Variants in LANCL2 observed in about 807,000 individuals in gnomAD.
LANCL2 encodes the protein LanC like glutathione S-transferase 2.
A neutral mutation model predicts 56.9 loss-of-function variants in LANCL2; 33 were observed. The observed-to-expected ratio is 0.58, with a 90% CI of 0.44 to 0.78. The LOEUF (loss-of-function observed/expected upper bound fraction) is 0.78. Among genes scored for constraint, LANCL2 ranks in the 30% least tolerant of loss-of-function variants. The probability of loss-of-function intolerance (pLI) is 0.00; values close to 1 mark genes in which losing one functional copy is unlikely to be tolerated. For missense variants in LANCL2, 562 were observed against 580.2 expected (o/e 0.97, Z 0.32); for synonymous variants, 233 against 228.2 (o/e 1.02, Z -0.19).
Position 55,365,772 on chromosome 7 carries a change from C to T in LANCL2, c.-254C>T. ...GGCGCTCCCGCGAGCCCGCTCCTCT[C>T]CGTCGGGAGCAGGGCAAAGGCGCCA... is the stretch of plus-strand genomic sequence containing the variant. On this transcript the variant is annotated 5_prime_UTR_variant, in exon 1 of 9. Coordinates refer to ENST00000254770, the MANE Select transcript of LANCL2 (RefSeq NM_018697.4). 2.7e-6 allele frequency: 1 copy of T among 363,684 alleles called. No individual in the cohort carries two copies. 22.5% of individuals were successfully genotyped at this position (363,684 alleles called of 1,614,324 possible). A position where few individuals can be genotyped will look rare whatever the true frequency, so the allele number is the denominator to read the frequency against.
chr7:55,366,269 G>T, intron 1 of LANCL2, 40 bp downstream of exon 1: 2 of 1,425,244 alleles, frequency 1.4e-6, no homozygotes, highest in South Asian at 1.4e-5. Context: ...CGGAGGGGGA[G>T]CGCGGCGGTG....
At chr7:55,428,572 C>T in intron 8 of LANCL2, 125 bp downstream of exon 8, 2 of 738,044 alleles carry the variant, frequency 2.7e-6, no homozygotes, top group Non-Finnish European at 4.8e-6. Flanking sequence ...AAATAATCAG[C>T]AGAGTAGCTT....
chr7:55,406,126 G>A (rs751374576), intron 5 of LANCL2, among the ~76,000 whole-genome samples: 2 of 152,302 alleles, frequency 1.3e-5, no homozygotes, highest in South Asian at 2.1e-4. Flanking sequence ...TGTATGTGTC[G>A]GTGAGCTGCA....
At chr7:55,381,444 G>GTTCAGACCCAAAGAAGCTTAGCT (rs1790067936) in intron 1 of LANCL2, among the ~76,000 whole-genome samples, 1 of 152,180 alleles carries the variant, frequency 6.6e-6, no homozygotes. Flanking sequence ...ATGCGTGTCT[G>GTTCAGACCCAAAGAAGCTTAGCT]GAACAGACCC....
intron 2 of LANCL2, among the ~76,000 whole-genome samples, chr7:55,397,460 C>CAAAA (rs35547837): frequency 2.2e-5 from 2 of 90,332 alleles, no homozygotes; most frequent in East Asian, 3.0e-4. Context: ...GACTCTGTCT[C>CAAAA]AAAAAAAAAA....
chr7:55,415,383 C>T (rs1032292286), intron 6 of LANCL2, among the ~76,000 whole-genome samples: 1 of 152,200 alleles, frequency 6.6e-6, no homozygotes, highest in Non-Finnish European at 1.5e-5. Flanking sequence ...ATTGGGAGTG[C>T]CCCCTGGTGG....
In LANCL2 at chr7:55,366,238, G is replaced by C. The variant is rs749761080; in HGVS notation, c.204+9G>C. On this transcript the variant is annotated intron_variant, in intron 1 of 8. Coordinates refer to ENST00000254770, the MANE Select transcript of LANCL2 (RefSeq NM_018697.4). ...TTCATCAGGACGGGAAGGTGAGTCG[G>C]CGGCCTGGCCGCAGAGGCGCCGGAG... 8.1e-6 allele frequency: 12 copies of C among 1,485,578 alleles called. No homozygotes were observed. In the African/African-American group the frequency reaches 1.6e-4, roughly 20 times the overall value. 92.0% of individuals were successfully genotyped at this position (1,485,578 alleles called of 1,614,324 possible). A position where few individuals can be genotyped will look rare whatever the true frequency, so the allele number is the denominator to read the frequency against.
chr7:55,417,070 C>T (rs2128995799), intron 6 of LANCL2, among the ~76,000 whole-genome samples: 1 of 150,132 alleles, frequency 6.7e-6, no homozygotes, highest in South Asian at 2.1e-4. Flanking sequence ...AGCTCCGCCT[C>T]CCAGGTTCAC....
At position 55,366,058 on chromosome 7, in the gene LANCL2, C is replaced by G; in HGVS notation, c.33C>G (p.Leu11=). Residue 11 remains leucine (L), a synonymous_variant, in exon 1 of 9, where the codon CTC becomes CTG. Coordinates refer to ENST00000254770, the MANE Select transcript of LANCL2 (RefSeq NM_018697.4). ...AGACCATGTCAAAGAGGCTGAAGCT[C>G]CACCTGGGAGGGGAGGCAGAAATGG... The part of the protein sequence containing the change: MGETMSKRLK[L]HLGGEAEMEE... 1 of 1,523,308 alleles carries G rather than the reference C, an allele frequency of 6.6e-7. No homozygotes were observed. The highest frequency in any genetic ancestry group is 2.6e-5 in the East Asian group (1 of 39,170). 94.4% of individuals were successfully genotyped at this position (1,523,308 alleles called of 1,614,324 possible).
chr7:55,378,486 G>GTA (rs1303259931), intron 1 of LANCL2, among the ~76,000 whole-genome samples: 5 of 151,594 alleles, frequency 3.3e-5, no homozygotes, highest in Admixed American at 6.6e-5. Flanking sequence ...GTGTGTGTGC[G>GTA]TATATATATG....
chr7:55,378,968 T>C (rs1790034236), intron 1 of LANCL2, among the ~76,000 whole-genome samples: 1 of 152,098 alleles, frequency 6.6e-6, no homozygotes, highest in Non-Finnish European at 1.5e-5. Context: ...CTGTCTCTAC[T>C]AAAAATACAA....
At chr7:55,409,140 G>T (rs1790444880) in intron 5 of LANCL2, among the ~76,000 whole-genome samples, 1 of 150,068 alleles carries the variant, frequency 6.7e-6, no homozygotes, top group African/African-American at 2.5e-5. Flanking sequence ...CCAGGCTGGA[G>T]TGCACTGGCG....
At position 55,365,633 on chromosome 7, in the gene LANCL2, G is replaced by C; in HGVS notation, c.-393G>C. 6.1e-6 allele frequency: 1 copy of C among 164,980 alleles called. No homozygotes were observed. The highest frequency in any genetic ancestry group is 1.3e-5 in the Non-Finnish European group (1 of 76,826). 10.2% of individuals were successfully genotyped at this position (164,980 alleles called of 1,614,324 possible). On this transcript the variant is annotated 5_prime_UTR_variant, in exon 1 of 9. Transcript: ENST00000254770. ...TTGGAAATCGCGGAGGGGGCTGGCC[G>C]GGCGCAGCGATCCCCACCCCGGGAC...
chr7:55,399,251 C>T (rs1264881297), intron 3 of LANCL2, among the ~76,000 whole-genome samples: 1 of 141,774 alleles, frequency 7.1e-6, no homozygotes, highest in Non-Finnish European at 1.5e-5. Flanking sequence ...CCAGCCAGGG[C>T]AACAGAGCAA....
rs142000933 is a variant in LANCL2, at chr7:55,401,186, A to C, written c.691A>C (p.Ile231Leu). 1.9e-6 allele frequency: 3 copies of C among 1,613,956 alleles called. No individual in the cohort carries two copies. The Admixed American group carries it at 5.0e-5, about 27-fold the overall frequency. Reference sequence around the variant, plus strand: ...GTTATCTCTGTAGGTAGTCAATGCTATTATTGAATCGGGTAAGACTTTGTC... The same window carrying C: ...GTTATCTCTGTAGGTAGTCAATGCTCTTATTGAATCGGGTAAGACTTTGTC... ...ESAIKEVVNA[I>L]IESGKTLSRE... Residue 231 changes from isoleucine (I) to leucine (L), a missense_variant, in exon 5 of 9, where the codon ATT becomes CTT. By Grantham distance (5) the Ile-to-Leu change is conservative (BLOSUM62 2). Transcript: ENST00000254770.
intron 1 of LANCL2, among the ~76,000 whole-genome samples, chr7:55,380,998 A>G (rs1234765581): frequency 1.3e-5 from 2 of 148,944 alleles, no homozygotes; most frequent in Admixed American, 6.9e-5. Context: ...CAGCCTCCCC[A>G]GTGGCTGGGA....
intron 4 of LANCL2, 137 bp downstream of exon 4, chr7:55,400,241 T>G (rs1790305632): frequency 3.2e-6 from 2 of 628,300 alleles, no homozygotes; most frequent in Non-Finnish European, 4.9e-6. Flanking sequence ...TAAGAAATAG[T>G]CCCTGCTTTT....
rs764041036 is a variant in LANCL2 at position 55,401,184 on chromosome 7, C to T, written c.689C>T (p.Ala230Val). Residue 230 changes from alanine (A) to valine (V), a missense_variant, in exon 5 of 9, where the codon GCT (alanine) becomes GTT (valine). Ala to Val is a moderately conservative substitution (Grantham distance 64, BLOSUM62 0). Transcript: ENST00000254770. Reference sequence around the variant, plus strand: ...TTGTTATCTCTGTAGGTAGTCAATGCTATTATTGAATCGGGTAAGACTTTG... The same window carrying T: ...TTGTTATCTCTGTAGGTAGTCAATGTTATTATTGAATCGGGTAAGACTTTG... Reference protein sequence around the residue: ...CESAIKEVVNAIIESGKTLSR... With the variant: ...CESAIKEVVNVIIESGKTLSR... 3 of 1,613,788 alleles carry T rather than the reference C, an allele frequency of 1.9e-6. No individual in the cohort carries two copies. Among genetic ancestry groups the T allele is most frequent in the East Asian group, 2.2e-5 (1 of 44,882 alleles).
intron 2 of LANCL2, among the ~76,000 whole-genome samples, chr7:55,398,002 A>G (rs1220175134): frequency 6.6e-6 from 1 of 152,254 alleles, no homozygotes; most frequent in African/African-American, 2.4e-5. Flanking sequence ...CAGAAAAGCA[A>G]TCATTTGGGA....
Sources: gnomAD v4.1 joint callset for allele counts (sites outside exome capture counted in the v4.1 genomes callset) on GRCh38, gnomAD v4.1.1 for gene constraint, MANE v1.5 for transcripts, NCBI Gene and HGNC (gene_info 2026-07-23, HGNC 2026-07-21) for gene names.